ADAMTS17: variants seen among roughly 807,000 people sequenced by gnomAD.
ADAMTS17 encodes the protein A disintegrin and metalloproteinase with thrombospondin motifs 17.
A neutral mutation model predicts 141.5 loss-of-function variants in ADAMTS17; 113 were observed. The observed-to-expected ratio is 0.80, with a 90% confidence interval of 0.69 to 0.93. The LOEUF (loss-of-function observed/expected upper bound fraction) is 0.93. ADAMTS17 is among the 40% of genes least tolerant of loss of function. The probability of loss-of-function intolerance (pLI) is 0.00; values close to 1 mark genes in which losing one functional copy is unlikely to be tolerated. For missense variants in ADAMTS17, 1,659 were observed against 1,517.9 expected, an observed-to-expected ratio of 1.09 and a Z score of -1.54; for synonymous variants, 768 against 630.6, an observed-to-expected ratio of 1.22 and a Z score of -3.27.
chr15:100,299,357 G>A (rs959554601), intron 3 of ADAMTS17, among the ~76,000 whole-genome samples: 1 of 151,478 alleles, frequency 6.6e-6, no homozygotes, highest in African/African-American at 2.4e-5. Context: ...TCATCTCACA[G>A]CCCCACCAAG....
intron 18 of ADAMTS17, among the ~76,000 whole-genome samples, chr15:99,998,575 G>A (rs2060853924): frequency 6.6e-6 from 1 of 152,196 alleles, no homozygotes; most frequent in Non-Finnish European, 1.5e-5. Context: ...CTGCACTCCA[G>A]CCTGGGTGAC....
intron 2 of ADAMTS17, among the ~76,000 whole-genome samples, chr15:100,331,329 T>C (rs1041023477): frequency 2.0e-5 from 3 of 152,170 alleles, no homozygotes; most frequent in African/African-American, 7.2e-5. Flanking sequence ...GATGAACTAC[T>C]TCATTATCAA....
At chr15:100,077,310 A>T (rs911008256) in intron 15 of ADAMTS17, among the ~76,000 whole-genome samples, 3 of 146,980 alleles carry the variant, frequency 2.0e-5, no homozygotes, top group African/African-American at 7.9e-5. Flanking sequence ...AAAAAAAAAA[A>T]AATTAGCCTG....
chr15:100,035,030 C>T (rs73482802), intron 18 of ADAMTS17, among the ~76,000 whole-genome samples: 1,652 of 152,258 alleles, frequency 0.011, 35 homozygotes, highest in African/African-American at 0.037. Flanking sequence ...CCCATCACCC[C>T]GGGGACCTAA....
intron 7 of ADAMTS17, among the ~76,000 whole-genome samples, chr15:100,206,310 A>G (rs1484903871): frequency 3.3e-5 from 5 of 152,214 alleles, no homozygotes; most frequent in Admixed American, 1.3e-4. Flanking sequence ...ACCTGTGTGC[A>G]GGCTCCTGTG....
rs139558294 is a variant in ADAMTS17 at position 100,282,386 on chromosome 15, C to T, written c.617-985G>A. On this transcript the variant is annotated intron_variant, in intron 3 of 21. Transcript: ENST00000268070. ...TATCTGCAGGGGCTATGTTCCAAGA[C>T]TCCCAGTGGATCCCTGAAACCACAG... Among the ~76,000 whole-genome samples, 69 of 152,322 alleles carry T rather than the reference C, an allele frequency of 4.5e-4. 2 individuals are homozygous for T. Among genetic ancestry groups the T allele is most frequent in the Admixed American group, 2.4e-3 (37 of 15,298 alleles).
At position 100,329,634 on chromosome 15, in the gene ADAMTS17, C is replaced by T. The variant is rs191635347; in HGVS notation, c.616+1255G>A. 3.9e-5 allele frequency among the ~76,000 whole-genome samples: 6 copies of T among 151,982 alleles called. No homozygotes were observed. In the East Asian group the frequency reaches 5.8e-4, roughly 15 times the overall value. ...TATTTTTTAGGTGCTAGTAATTGTA[C>T]GGGGTCTTCCTCACTTTTGTAAGGA... On this transcript the variant is annotated intron_variant, in intron 3 of 21. Transcript: ENST00000268070.
rs1335972336 is a variant in ADAMTS17 at position 100,133,245 on chromosome 15, G to A, written c.1544C>T (p.Pro515Leu). The part of the protein sequence containing the change: ...DTSCKTKLDP[P>L]LDGTECGADK... The stretch of plus-strand genomic sequence containing the variant: ...TGCCCCACACTCGGTGCCATCCAGG[G>A]GAGGGTCCAGCTTGGTCTTGCAGGA... Residue 515 changes from proline (P) to leucine (L), a missense_variant, in exon 11 of 22, where the codon CCC (proline) becomes CTC (leucine). Coordinates refer to ENST00000268070, the MANE Select transcript of ADAMTS17 (RefSeq NM_139057.4). 2.5e-6 allele frequency: 4 copies of A among 1,599,032 alleles called. No homozygotes were observed. The highest frequency in any genetic ancestry group is 2.7e-5 in the African/African-American group (2 of 74,802).
intron 8 of ADAMTS17, among the ~76,000 whole-genome samples, chr15:100,172,137 G>A (rs754664327): frequency 3.3e-5 from 5 of 152,166 alleles, no homozygotes; most frequent in African/African-American, 4.8e-5. Flanking sequence ...ATACCAGGAA[G>A]GATCCAGCTC....
At chr15:100,332,152 A>C (rs1427610847) in intron 2 of ADAMTS17, among the ~76,000 whole-genome samples, 1 of 152,022 alleles carries the variant, frequency 6.6e-6, no homozygotes, top group East Asian at 1.9e-4. Flanking sequence ...GCCAAGAAAA[A>C]CTCAAAGATT....
intron 6 of ADAMTS17, among the ~76,000 whole-genome samples, chr15:100,258,623 C>A (rs145743025): frequency 6.6e-6 from 1 of 152,042 alleles, no homozygotes; most frequent in Non-Finnish European, 1.5e-5. Flanking sequence ...TTCACGATCC[C>A]GAGAACAGCA....
intron 10 of ADAMTS17, among the ~76,000 whole-genome samples, chr15:100,150,212 G>T (rs1352174010): frequency 6.6e-6 from 1 of 152,184 alleles, no homozygotes; most frequent in Non-Finnish European, 1.5e-5. Flanking sequence ...AGGGAGAAAG[G>T]AGTCACAAAG....
At chr15:100,108,183 TC>T (rs200170513) in intron 14 of ADAMTS17, among the ~76,000 whole-genome samples, 12 of 151,000 alleles carry the variant, frequency 7.9e-5, no homozygotes, top group African/African-American at 2.2e-4. Context: ...CTTTTTTTTT[TC>T]CCCCCGAGAC....
chr15:99,996,066 T>C (rs2060795386), intron 19 of ADAMTS17, among the ~76,000 whole-genome samples: 1 of 151,912 alleles, frequency 6.6e-6, no homozygotes, highest in Non-Finnish European at 1.5e-5. Flanking sequence ...TTTTTTTTTT[T>C]TTTTTGAGAC....
chr15:100,002,289 G>A (rs1206060718), intron 18 of ADAMTS17, among the ~76,000 whole-genome samples: 3 of 152,104 alleles, frequency 2.0e-5, no homozygotes, highest in African/African-American at 7.2e-5. Context: ...TGTGAAAACG[G>A]CTTTGAGTCT....
chr15:100,223,659 A>C (rs1195473123), intron 7 of ADAMTS17, among the ~76,000 whole-genome samples: 2 of 151,790 alleles, frequency 1.3e-5, no homozygotes, highest in African/African-American at 2.4e-5. Flanking sequence ...CTTCACACAC[A>C]CACACCCACA....
At chr15:100,282,176 T>A (rs2044307790) in intron 3 of ADAMTS17, among the ~76,000 whole-genome samples, 1 of 152,352 alleles carries the variant, frequency 6.6e-6, no homozygotes, top group Middle Eastern at 3.4e-3. Flanking sequence ...CAGGTTGATA[T>A]GAACAGCATG....
rs773895033 is a variant in ADAMTS17, at chr15:100,262,363, G to A, written c.862C>T (p.Arg288Ter). The change falls in exon 5 of 22, where the codon CGA becomes TGA. Residue 288 changes from arginine (R) to a stop codon, truncating the protein, a stop_gained. Transcript: ENST00000268070. LOFTEE classifies it high-confidence loss of function. ...CTGTGGGGACTTACGGGACGTTGTC[G>A]TAGCAGGACAAGCTTGGTCACTTGA... ...NIQVTKLVLL[R>*]QRPAKLSIGH... 4.8e-5 allele frequency: 78 copies of A among 1,613,692 alleles called. 1 individual carries two copies. The highest frequency in any genetic ancestry group is 5.9e-5 in the Non-Finnish European group (70 of 1,179,888).
At chr15:100,160,377 G>A (rs2039635119) in intron 8 of ADAMTS17, among the ~76,000 whole-genome samples, 1 of 152,190 alleles carries the variant, frequency 6.6e-6, no homozygotes, top group East Asian at 1.9e-4. Flanking sequence ...GCTACCAGAA[G>A]GGTTTTTCAA....
Sources: gnomAD v4.1 joint callset for allele counts (sites outside exome capture counted in the v4.1 genomes callset) on GRCh38, gnomAD v4.1.1 for gene constraint, MANE v1.5 for transcripts, NCBI Gene and HGNC (gene_info 2026-07-23, HGNC 2026-07-21) for gene names.